Variants in COL22A1 observed in about 807,000 individuals in gnomAD.
COL22A1 encodes the protein collagen alpha-1(XXII) chain.
Under a neutral mutation model 248.9 loss-of-function variants are expected in COL22A1, and 221 were observed. That is an observed-to-expected ratio of 0.89 (90% CI 0.80 to 0.99). COL22A1 has a LOEUF of 0.99. Ranked by LOEUF, COL22A1 falls within the 50% of genes least tolerant of loss-of-function variation. The pLI, the probability that COL22A1 is intolerant of heterozygous loss-of-function variation, is 0.00. For missense variants in COL22A1, 2,240 were observed against 2,179.0 expected (o/e 1.03, Z -0.56); for synonymous variants, 891 against 793.4 (o/e 1.12, Z -2.07).
chr8:138,599,846 A>G (rs1344274904), intron 60 of COL22A1, among the ~76,000 whole-genome samples: 1 of 152,234 alleles, frequency 6.6e-6, no homozygotes, highest in African/African-American at 2.4e-5. Flanking sequence ...GCGGAATTCC[A>G]ATCCTATTCT....
chr8:138,685,391 G>C, intron 37 of COL22A1, 79 bp from the exon 38 acceptor site: 2 of 1,153,104 alleles, frequency 1.7e-6, no homozygotes, highest in Non-Finnish European at 2.5e-6. Flanking sequence ...GCTTGAGTAG[G>C]TTTGTAGGTT....
chr8:138,591,372 G>T, intron 64 of COL22A1, 52 bp downstream of exon 64: 1 of 1,383,264 alleles, frequency 7.2e-7, no homozygotes, highest in Non-Finnish European at 9.8e-7. Context: ...AGGGGTGCTG[G>T]GTCTCCAGGG....
intron 18 of COL22A1, 27 bp from the exon 19 acceptor site, chr8:138,755,856 C>T: frequency 6.2e-7 from 1 of 1,609,904 alleles, no homozygotes; most frequent in Non-Finnish European, 8.5e-7. Flanking sequence ...AACATTTCAG[C>T]ATAGTTACTG....
intron 25 of COL22A1, among the ~76,000 whole-genome samples, chr8:138,723,632 T>C (rs1409009630): frequency 6.6e-6 from 1 of 152,248 alleles, no homozygotes; most frequent in Non-Finnish European, 1.5e-5. Context: ...AAAATGTTTA[T>C]TGGTGACGTT....
chr8:138,849,170 A>C (rs1821453182), intron 3 of COL22A1, among the ~76,000 whole-genome samples: 1 of 152,136 alleles, frequency 6.6e-6, no homozygotes, highest in South Asian at 2.1e-4. Flanking sequence ...TAAGGATTAC[A>C]CTGTCATGGC....
intron 22 of COL22A1, among the ~76,000 whole-genome samples, chr8:138,742,079 A>T (rs111206256): frequency 0.055 from 7,423 of 135,456 alleles, 328 homozygotes; most frequent in African/African-American, 0.12. Context: ...GGTGATGGTG[A>T]TGATGGTGAT....
intron 51 of COL22A1, among the ~76,000 whole-genome samples, chr8:138,625,740 T>C (rs1373649156): frequency 6.6e-6 from 1 of 152,222 alleles, no homozygotes; most frequent in Non-Finnish European, 1.5e-5. Flanking sequence ...AATGATAATA[T>C]GCATTATGGT....
At chr8:138,746,244 C>T (rs1790272908) in intron 22 of COL22A1, among the ~76,000 whole-genome samples, 1 of 152,192 alleles carries the variant, frequency 6.6e-6, no homozygotes, top group South Asian at 2.1e-4. Flanking sequence ...GCCCAGGTTC[C>T]AGCCTGCTGT....
At chr8:138,630,535 A>T (rs757184563) in intron 50 of COL22A1, among the ~76,000 whole-genome samples, 160 bp downstream of exon 50, 28 of 152,060 alleles carry the variant, frequency 1.8e-4, no homozygotes, top group Non-Finnish European at 3.4e-4. Flanking sequence ...CAGAAAGCAA[A>T]CCCTCCAGCA....
intron 1 of COL22A1, among the ~76,000 whole-genome samples, chr8:138,901,972 C>T (rs1438735829): frequency 6.6e-6 from 1 of 152,028 alleles, no homozygotes; most frequent in African/African-American, 2.4e-5. Context: ...CAAATGGACA[C>T]CACAGGAGGA....
At chr8:138,849,897 T>A (rs1821504351) in intron 3 of COL22A1, among the ~76,000 whole-genome samples, 1 of 152,258 alleles carries the variant, frequency 6.6e-6, no homozygotes, top group South Asian at 2.1e-4. Flanking sequence ...TTGGTTGTGA[T>A]AGAATAATAA....
chr8:138,679,131 T>C (rs933671125), intron 40 of COL22A1, among the ~76,000 whole-genome samples: 3 of 152,156 alleles, frequency 2.0e-5, no homozygotes, highest in Non-Finnish European at 4.4e-5. Context: ...TTATCTAGGC[T>C]AGTCTCGAAC....
chr8:138,746,128 G>A lies in COL22A1; in HGVS notation c.2085+5330C>T, dbSNP rs190278872. 1.0e-3 allele frequency among the ~76,000 whole-genome samples: 153 copies of A among 152,332 alleles called. 1 individual carries two copies. The highest frequency in any genetic ancestry group is 3.6e-3 in the African/African-American group (151 of 41,588). The stretch of plus-strand genomic sequence containing the variant: ...AATACCAGCTTTGTCCAAAATGAAT[G>A]CATTTACTTTGCCGAGGATTATCCT... On this transcript the variant is annotated intron_variant, in intron 22 of 64. Transcript: ENST00000303045.
chr8:138,820,113 GAC>G (rs767729802), intron 7 of COL22A1, among the ~76,000 whole-genome samples: 1 of 151,888 alleles, frequency 6.6e-6, no homozygotes, highest in Non-Finnish European at 1.5e-5. Flanking sequence ...TAAAAGCTTA[GAC>G]ACATGATTTT....
At chr8:138,669,365 G>GGCC (rs1245653967) in intron 41 of COL22A1, among the ~76,000 whole-genome samples, 3 of 152,316 alleles carry the variant, frequency 2.0e-5, no homozygotes, top group East Asian at 3.9e-4. Flanking sequence ...GGGTCCTGGA[G>GGCC]GCCGGTCAGG....
intron 27 of COL22A1, among the ~76,000 whole-genome samples, chr8:138,718,078 T>C (rs1023962906): frequency 6.6e-6 from 1 of 152,086 alleles, no homozygotes; most frequent in African/African-American, 2.4e-5. Flanking sequence ...CCAGACTCAG[T>C]TGGTACCAAA....
At chr8:138,879,672 C>CA in intron 2 of COL22A1, among the ~76,000 whole-genome samples, 1 of 108,078 alleles carries the variant, frequency 9.3e-6, no homozygotes, top group Non-Finnish European at 1.7e-5. Flanking sequence ...GCCTGGGTGA[C>CA]AGAGTGAGAC....
chr8:138,778,920 C>T (rs1316434641), intron 14 of COL22A1, among the ~76,000 whole-genome samples: 1 of 152,190 alleles, frequency 6.6e-6, no homozygotes, highest in African/African-American at 2.4e-5. Flanking sequence ...GTGCTATTGC[C>T]TCTGAACAAC....
intron 60 of COL22A1, among the ~76,000 whole-genome samples, chr8:138,601,582 C>T (rs1035322917): frequency 8.5e-5 from 13 of 152,122 alleles, no homozygotes; most frequent in African/African-American, 2.9e-4. Context: ...GTCCGCCTTC[C>T]ACAGGCTCTT....
Sources: allele counts gnomAD v4.1 joint callset (sites outside exome capture counted in the v4.1 genomes callset), GRCh38; gene constraint gnomAD v4.1.1; transcripts MANE v1.5; gene names NCBI Gene and HGNC (gene_info 2026-07-23, HGNC 2026-07-21).